Variants in CACNA1D observed in about 807,000 individuals in gnomAD.
The protein encoded by CACNA1D is calcium voltage-gated channel subunit alpha1 D, also known as voltage-dependent L-type calcium channel subunit alpha-1D.
In CACNA1D, 55 loss-of-function variants were observed where a neutral mutation model predicts 257.1. The ratio of observed to expected loss-of-function variants is 0.21; its 90% CI spans 0.17 to 0.27. The LOEUF (loss-of-function observed/expected upper bound fraction) is 0.27, where lower values mean the gene tolerates loss of function less well. CACNA1D is among the 10% of genes least tolerant of loss of function. The pLI, the probability that CACNA1D is intolerant of heterozygous loss-of-function variation, is 1.00. For missense variants in CACNA1D, 1,876 were observed against 2,784.0 expected, an observed-to-expected ratio of 0.67 and a Z score of 7.34; for synonymous variants, 980 against 1,014.9, an observed-to-expected ratio of 0.97 and a Z score of 0.65.
chr3:53,745,581 C>G, intron 23 of CACNA1D, 43 bp from the exon 24 acceptor site: 1 of 1,363,842 alleles, frequency 7.3e-7, no homozygotes, highest in Non-Finnish European at 1.1e-6. Context: ...ACCTCAAGGC[C>G]AAAATCACAA....
chr3:53,539,776 TGTTA>T (rs1343644084), intron 3 of CACNA1D, among the ~76,000 whole-genome samples: 1 of 152,256 alleles, frequency 6.6e-6, no homozygotes, highest in Admixed American at 6.5e-5. Flanking sequence ...TTAACATTTC[TGTTA>T]GTTTGTTGAT....
intron 9 of CACNA1D, among the ~76,000 whole-genome samples, chr3:53,717,537 G>A (rs970780720): frequency 7.2e-5 from 11 of 152,126 alleles, no homozygotes; most frequent in African/African-American, 2.2e-4. Flanking sequence ...CTCTACTTCC[G>A]CTCAGGATCC....
chr3:53,673,089 T>A lies in CACNA1D; in HGVS notation c.1183T>A (p.Phe395Ile), dbSNP rs2094341276. 6.4e-7 allele frequency: 1 copy of A among 1,551,648 alleles called. No homozygotes were observed. Among genetic ancestry groups the A allele is most frequent in the Non-Finnish European group, 8.7e-7 (1 of 1,146,618 alleles). Residue 395 changes from phenylalanine to isoleucine, a missense_variant, in exon 8 of 48, where the codon TTT (phenylalanine) becomes ATT (isoleucine). Physicochemically the swap from Phe to Ile is conservative, Grantham distance 21 (BLOSUM62 0). This residue lies in a region of CACNA1D where 188 missense variants were observed against 390.4 expected (regional missense o/e 0.48). Transcript: ENST00000350061. The surrounding 1 kb of genome is among the most constrained non-coding windows in gnomAD (Gnocchi z 4.1). Reference sequence around the variant, plus strand: ...TGTCAGTCTCGTCATCTTTGGGTCATTTTTCGTACTAAATCTTGTACTTGG... The same window carrying A: ...TGTCAGTCTCGTCATCTTTGGGTCAATTTTCGTACTAAATCTTGTACTTGG... ...YFVSLVIFGSFFVLNLVLGVL... is the reference protein window; with the variant it reads ...YFVSLVIFGSIFVLNLVLGVL...
intron 3 of CACNA1D, among the ~76,000 whole-genome samples, chr3:53,646,450 A>C (rs36006337): frequency 0.075 from 11,411 of 152,228 alleles, 478 homozygotes; most frequent in African/African-American, 0.1. Context: ...TAGCCTCTAC[A>C]TGTCTAGATC....
chr3:53,606,575 G>C (rs2093513778), intron 3 of CACNA1D, among the ~76,000 whole-genome samples: 1 of 152,224 alleles, frequency 6.6e-6, no homozygotes, highest in African/African-American at 2.4e-5. Flanking sequence ...GGCAGGCCAA[G>C]GGCTGTGGGC....
At chr3:53,804,041 G>C (rs553354288) in intron 44 of CACNA1D, among the ~76,000 whole-genome samples, 5 of 152,318 alleles carry the variant, frequency 3.3e-5, no homozygotes, top group African/African-American at 1.2e-4. Flanking sequence ...GAAGAAATGA[G>C]GGGTCACTCA....
chr3:53,750,299 C>T (rs901270216), intron 27 of CACNA1D, among the ~76,000 whole-genome samples: 1 of 152,146 alleles, frequency 6.6e-6, no homozygotes, highest in Admixed American at 6.6e-5. Context: ...ATCTCTAAAT[C>T]GAGGGCATTA....
chr3:53,551,820 C>G (rs1395970332), intron 3 of CACNA1D, among the ~76,000 whole-genome samples: 1 of 152,188 alleles, frequency 6.6e-6, no homozygotes, highest in Non-Finnish European at 1.5e-5. Flanking sequence ...CTCGATCTCC[C>G]ACTTGTGTGG....
intron 30 of CACNA1D, among the ~76,000 whole-genome samples, chr3:53,769,305 C>T (rs549030735): frequency 1.3e-5 from 2 of 152,358 alleles, no homozygotes; most frequent in East Asian, 3.9e-4. Context: ...TGGTCCTCCA[C>T]TGTTTCTTCC....
chr3:53,516,677 C>T (rs557138867), intron 3 of CACNA1D, among the ~76,000 whole-genome samples: 2 of 152,320 alleles, frequency 1.3e-5, no homozygotes, highest in South Asian at 4.1e-4. Flanking sequence ...GAAGTATGTT[C>T]CCCTCTGTGC....
intron 9 of CACNA1D, among the ~76,000 whole-genome samples, chr3:53,710,873 T>G (rs551862598): frequency 6.6e-6 from 1 of 152,338 alleles, no homozygotes; most frequent in South Asian, 2.1e-4. Context: ...TCAAATTGCT[T>G]CTCTGTCTTT....
intron 3 of CACNA1D, among the ~76,000 whole-genome samples, chr3:53,532,261 G>T (rs577322211): frequency 6.6e-6 from 1 of 152,360 alleles, no homozygotes; most frequent in East Asian, 1.9e-4. Flanking sequence ...CCTGCAGGGG[G>T]ATCTGGAAAT....
At chr3:53,586,276 CTGTGTGTGTGTGTG>C (rs57318445) in intron 3 of CACNA1D, among the ~76,000 whole-genome samples, 46 of 136,024 alleles carry the variant, frequency 3.4e-4, no homozygotes, top group Admixed American at 1.2e-3. Flanking sequence ...TGCCTCTATT[CTGTGTGTGTGTGTG>C]TGTGTGTGTG....
intron 22 of CACNA1D, among the ~76,000 whole-genome samples, chr3:53,744,023 C>T (rs1559610697): frequency 6.6e-6 from 1 of 152,178 alleles, no homozygotes; most frequent in Non-Finnish European, 1.5e-5. Context: ...CAAGCTGCAG[C>T]CTTGCCCACT....
intron 3 of CACNA1D, among the ~76,000 whole-genome samples, chr3:53,635,384 G>A (rs1408489241): frequency 6.6e-6 from 1 of 152,174 alleles, no homozygotes; most frequent in Non-Finnish European, 1.5e-5. Context: ...AGGGGATGCT[G>A]GTGGGTGGGT....
intron 3 of CACNA1D, among the ~76,000 whole-genome samples, chr3:53,515,593 C>T (rs543471461): frequency 6.6e-6 from 1 of 152,294 alleles, no homozygotes; most frequent in East Asian, 1.9e-4. Flanking sequence ...CTCTCCTGCC[C>T]TTTCTGCCAC....
intron 3 of CACNA1D, among the ~76,000 whole-genome samples, chr3:53,547,805 G>A (rs1034177878): frequency 6.6e-6 from 1 of 152,170 alleles, no homozygotes; most frequent in African/African-American, 2.4e-5. Flanking sequence ...TTTTAGTTCA[G>A]GTTTACATTA....
At chr3:53,725,275 C>G (rs892686833) in intron 14 of CACNA1D, among the ~76,000 whole-genome samples, 2 of 152,156 alleles carry the variant, frequency 1.3e-5, no homozygotes, top group African/African-American at 4.8e-5. Flanking sequence ...CCTGCTTGGT[C>G]CATAAAAGGC....
chr3:53,752,230 A>G (rs553856095), intron 28 of CACNA1D, among the ~76,000 whole-genome samples: 1 of 152,304 alleles, frequency 6.6e-6, no homozygotes, highest in Admixed American at 6.5e-5. Context: ...CTCTGGAGAT[A>G]CACAGCTGTT....
Sources: gnomAD v4.1 joint callset for allele counts (sites outside exome capture counted in the v4.1 genomes callset) on GRCh38, gnomAD v4.1.1 for gene constraint, gnomAD v4.1.1 regional missense constraint, Gnocchi (gnomAD v3.1) non-coding constraint, MANE v1.5 for transcripts, NCBI Gene and HGNC (gene_info 2026-07-23, HGNC 2026-07-21) for gene names.